USP32: variants seen among roughly 807,000 people sequenced by gnomAD.
USP32 encodes the protein ubiquitin carboxyl-terminal hydrolase 32.
A neutral mutation model predicts 204.8 loss-of-function variants in USP32; 59 were observed. The observed-to-expected ratio is 0.29, with a 90% CI of 0.23 to 0.36. The LOEUF (loss-of-function observed/expected upper bound fraction) is 0.36. Among genes scored for constraint, USP32 ranks in the 10% least tolerant of loss-of-function variants. The pLI is 1.00. For synonymous variants in USP32, 517 were observed against 678.4 expected (o/e 0.76, Z 3.70); for missense variants, 1,160 against 1,946.4 (o/e 0.60, Z 7.60).
chr17:60,231,685 C>T (rs761879410), intron 12 of USP32: 31 of 448,360 alleles, frequency 6.9e-5, no homozygotes, highest in Non-Finnish European at 9.7e-5. Context: ...TCTAAAGTTA[C>T]GTGATAACTA....
rs748987731 is a variant in USP32 at position 60,205,477 on chromosome 17, T to G, written c.3219A>C (p.Thr1073=). ...HMPSLPDSPF[T]GYIIAVHRKM... is the part of the protein sequence containing the mutation. ...TTCGGTGGACTGCAATGATGTAACCTGTAAAGGGGCTGTCAGGAAGAGATG... is the reference window on the plus strand; with the variant it reads ...TTCGGTGGACTGCAATGATGTAACCGGTAAAGGGGCTGTCAGGAAGAGATG... Residue 1073 remains threonine, a synonymous_variant, in exon 26 of 34, where the codon ACA becomes ACC. Transcript: ENST00000300896. 6.2e-7 allele frequency: 1 copy of G among 1,613,014 alleles called. No homozygotes were observed. Among genetic ancestry groups the G allele is most frequent in the Non-Finnish European group, 8.5e-7 (1 of 1,179,088 alleles).
intron 9 of USP32, among the ~76,000 whole-genome samples, chr17:60,259,236 C>A (rs926232616): frequency 6.6e-6 from 1 of 152,084 alleles, no homozygotes; most frequent in Non-Finnish European, 1.5e-5. Flanking sequence ...AAAGACCAAC[C>A]TGCGGTCTCT....
At chr17:60,306,836 C>A (rs1003370129) in intron 2 of USP32, among the ~76,000 whole-genome samples, 3 of 152,052 alleles carry the variant, frequency 2.0e-5, no homozygotes, top group Non-Finnish European at 4.4e-5. Context: ...GGAAAGATTG[C>A]AGGATAGAAA....
At chr17:60,256,888 T>A (rs2086321534) in intron 9 of USP32, 1 of 477,576 alleles carries the variant, frequency 2.1e-6, no homozygotes, top group African/African-American at 2.1e-5. Flanking sequence ...CTCCAGAGTA[T>A]CCAGGTCCTT....
chr17:60,212,278 T>C lies in USP32; in HGVS notation c.2105-180A>G, dbSNP rs370809148. On this transcript the variant is annotated intron_variant, in intron 18 of 33. Coordinates refer to ENST00000300896, the MANE Select transcript of USP32 (RefSeq NM_032582.4). Reference sequence around the variant, plus strand: ...CTGAGAAATGCATCATTAGGTGATTTTGTCTTTGTGTGAACATCACAGAGT... The same window carrying C: ...CTGAGAAATGCATCATTAGGTGATTCTGTCTTTGTGTGAACATCACAGAGT... Among the ~76,000 whole-genome samples, 24 of 152,330 alleles carry C rather than the reference T, an allele frequency of 1.6e-4. 1 individual carries two copies. In the South Asian group the frequency reaches 5.0e-3, roughly 32 times the overall value.
At chr17:60,228,501 C>CTTTTTT (rs1018176786) in intron 12 of USP32, among the ~76,000 whole-genome samples, 9 of 104,110 alleles carry the variant, frequency 8.6e-5, no homozygotes, top group Non-Finnish European at 9.0e-5. Context: ...TTTTCTTTTT[C>CTTTTTT]TTTTTTTTTT....
intron 12 of USP32, among the ~76,000 whole-genome samples, chr17:60,227,692 C>G (rs765205617): frequency 6.6e-6 from 1 of 151,988 alleles, no homozygotes; most frequent in Admixed American, 6.6e-5. Context: ...GGATTAAAGG[C>G]GTGAGCCACT....
chr17:60,286,501 C>G (rs77064220), intron 5 of USP32, among the ~76,000 whole-genome samples: 3,274 of 152,236 alleles, frequency 0.022, 139 homozygotes, highest in African/African-American at 0.075. Context: ...AGGAATAATT[C>G]TTTTCTAGGG....
rs2088765192 is a variant in USP32, at chr17:60,345,547, A to G, written c.120T>C (p.Tyr40=). The part of the protein sequence containing the change: ...DAFKRTCGLS[Y]YMGQHCFIRE... ...GGATGAAGCAGTGCTGGCCCATGTA[A>G]TATGAGAGTCCACAGGTCCTCTTGA... is the stretch of plus-strand genomic sequence containing the variant. Residue 40 remains tyrosine (Y), a synonymous_variant, in exon 2 of 34, where the codon TAT becomes TAC. Transcript: ENST00000300896. 1 of 1,614,082 alleles carries G rather than the reference A, an allele frequency of 6.2e-7. No homozygotes were observed. Among genetic ancestry groups the G allele is most frequent in the Admixed American group, 1.7e-5 (1 of 60,006 alleles).
At chr17:60,185,867 G>A (rs2084237758) in intron 29 of USP32, 1 of 479,320 alleles carries the variant, frequency 2.1e-6, no homozygotes, top group Admixed American at 3.3e-5. Flanking sequence ...TTCGAAACCA[G>A]CCTGGTCAAA....
chr17:60,213,257 A>G (rs2085018588), intron 18 of USP32, among the ~76,000 whole-genome samples: 1 of 152,072 alleles, frequency 6.6e-6, no homozygotes, highest in African/African-American at 2.4e-5. Context: ...TTTTACTCAA[A>G]CTCAAAGCAG....
intron 27 of USP32, among the ~76,000 whole-genome samples, chr17:60,195,501 C>T (rs1359528403): frequency 6.6e-6 from 1 of 152,170 alleles, no homozygotes; most frequent in Non-Finnish European, 1.5e-5. Flanking sequence ...CCATGCCCGG[C>T]TAATTTTTGC....
At chr17:60,371,401 T>C (rs919744378) in intron 1 of USP32, among the ~76,000 whole-genome samples, 9 of 151,760 alleles carry the variant, frequency 5.9e-5, no homozygotes, top group African/African-American at 1.9e-4. Context: ...ACCCCGTCTC[T>C]ACTAAAAATA....
intron 12 of USP32, 42 bp from the exon 13 acceptor site, chr17:60,226,273 T>C: frequency 1.3e-6 from 2 of 1,487,994 alleles, no homozygotes; most frequent in Non-Finnish European, 1.8e-6. Flanking sequence ...AAGTTTATAA[T>C]CTGACAACTA....
At chr17:60,412,064 C>G (rs2090022976) in intron 1 of USP32, among the ~76,000 whole-genome samples, 1 of 152,084 alleles carries the variant, frequency 6.6e-6, no homozygotes. Context: ...TCTGATGAGC[C>G]TGTTAGAGCC....
rs565034968 is a variant in USP32 at position 60,220,143 on chromosome 17, C to T, written c.1750-356G>A. 3.3e-5 allele frequency among the ~76,000 whole-genome samples: 5 copies of T among 151,626 alleles called. No homozygotes were observed. In the South Asian group the frequency reaches 1.0e-3, roughly 32 times the overall value. ...ATATTTCATGTATATAAATGATTGA[C>T]ATTTTAAGGACAAATTCATAAAAAT... On this transcript the variant is annotated intron_variant, in intron 15 of 33. Transcript: ENST00000300896.
chr17:60,385,090 TAACC>T (rs2089706808), intron 1 of USP32, among the ~76,000 whole-genome samples: 1 of 152,210 alleles, frequency 6.6e-6, no homozygotes, highest in African/African-American at 2.4e-5. Flanking sequence ...GTTCCTGCCT[TAACC>T]GATGACATTC....
At chr17:60,322,768 A>G (rs891466354) in intron 2 of USP32, among the ~76,000 whole-genome samples, 1 of 152,226 alleles carries the variant, frequency 6.6e-6, no homozygotes, top group Non-Finnish European at 1.5e-5. Context: ...GCTAAAAAAC[A>G]GAAAACTTTA....
At chr17:60,284,300 G>A (rs371035983) in intron 5 of USP32, among the ~76,000 whole-genome samples, 3 of 144,628 alleles carry the variant, frequency 2.1e-5, no homozygotes, top group Admixed American at 1.4e-4. Flanking sequence ...TGCAACCCCC[G>A]CCTCCCAGGT....
Sources: allele counts gnomAD v4.1 joint callset (sites outside exome capture counted in the v4.1 genomes callset), GRCh38; gene constraint gnomAD v4.1.1; transcripts MANE v1.5; gene names NCBI Gene and HGNC (gene_info 2026-07-23, HGNC 2026-07-21).